Variants in SPOPL observed in about 807,000 individuals in gnomAD.
SPOPL encodes the protein speckle type BTB/POZ protein like, also known as speckle-type POZ protein-like.
Under a neutral mutation model 53.8 loss-of-function variants are expected in SPOPL, and 23 were observed. That is an observed-to-expected ratio of 0.43 (90% CI 0.31 to 0.61). The LOEUF (loss-of-function observed/expected upper bound fraction) is 0.61, where lower values mean the gene tolerates loss of function less well. Ranked by LOEUF, SPOPL falls within the 20% of genes least tolerant of loss-of-function variation. The pLI is 0.12. For missense variants in SPOPL, 442 were observed against 466.9 expected (o/e 0.95, Z 0.49); for synonymous variants, 164 against 149.7 (o/e 1.10, Z -0.70).
intron 1 of SPOPL, among the ~76,000 whole-genome samples, chr2:138,527,280 T>C (rs1482774360): frequency 2.0e-5 from 3 of 152,138 alleles, no homozygotes; most frequent in Non-Finnish European, 4.4e-5. Context: ...GAAATAATCT[T>C]GTGTTTTTCT....
Position 138,571,177 on chromosome 2 carries a change from C to G in SPOPL, c.*2097C>G, listed in dbSNP as rs1444433986. 3 of 152,108 alleles carry G rather than the reference C, an allele frequency of 2.0e-5. No homozygotes were observed. The highest frequency in any genetic ancestry group is 4.4e-5 in the Non-Finnish European group (3 of 68,002). 9.4% of individuals were successfully genotyped at this position (152,108 alleles called of 1,614,324 possible). A position where few individuals can be genotyped will look rare whatever the true frequency, so the allele number is the denominator to read the frequency against. On this transcript the variant is annotated 3_prime_UTR_variant, in exon 11 of 11. Transcript: ENST00000280098. ...GGTCTTATAAGAAAACAAAAATTCCCTCAGGCTATAGAATTATGTTGTCAT... is the reference window on the plus strand; with the variant it reads ...GGTCTTATAAGAAAACAAAAATTCCGTCAGGCTATAGAATTATGTTGTCAT...
chr2:138,550,515 C>G lies in SPOPL; in HGVS notation c.111C>G (p.Thr37=). The change falls in exon 3 of 11, where the codon ACC becomes ACG. Residue 37 remains threonine (T), a synonymous_variant. Coordinates refer to ENST00000280098, the MANE Select transcript of SPOPL (RefSeq NM_001001664.3). ...TAGTAAAATTTTCCTATATGTGGACCATTAATAACTTCAGTTTTTGTCGAG... is the reference window on the plus strand; with the variant it reads ...TAGTAAAATTTTCCTATATGTGGACGATTAATAACTTCAGTTTTTGTCGAG... The part of the protein sequence containing the change: ...VKVVKFSYMW[T]INNFSFCREE... 1.9e-6 allele frequency: 3 copies of G among 1,611,208 alleles called. No homozygotes were observed. The highest frequency in any genetic ancestry group is 2.5e-6 in the Non-Finnish European group (3 of 1,178,028).
chr2:138,507,536 A>T (rs922810731), intron 1 of SPOPL, among the ~76,000 whole-genome samples: 4 of 152,230 alleles, frequency 2.6e-5, no homozygotes, highest in Admixed American at 6.5e-5. Flanking sequence ...CCTTGAGCAG[A>T]GTGTTTCTGA....
intron 1 of SPOPL, among the ~76,000 whole-genome samples, chr2:138,514,276 A>G (rs767880030): frequency 2.0e-5 from 3 of 152,166 alleles, no homozygotes; most frequent in Non-Finnish European, 4.4e-5. Context: ...TAAAATTAAT[A>G]TTGGTTTGGC....
intron 1 of SPOPL, among the ~76,000 whole-genome samples, chr2:138,529,382 C>G (rs1684749650): frequency 6.6e-6 from 1 of 151,856 alleles, no homozygotes. Flanking sequence ...ATGATGTATT[C>G]TTTATGGCCC....
chr2:138,560,721 TA>T (rs1685526872), intron 7 of SPOPL, 83 bp from the exon 8 acceptor site: 2 of 1,435,884 alleles, frequency 1.4e-6, no homozygotes, highest in Non-Finnish European at 1.9e-6. Flanking sequence ...TTAGGGCTTT[TA>T]AATTACTGTC....
At chr2:138,532,776 A>G (rs1227463792) in intron 1 of SPOPL, among the ~76,000 whole-genome samples, 1 of 151,964 alleles carries the variant, frequency 6.6e-6, no homozygotes, top group Non-Finnish European at 1.5e-5. Context: ...ATGACTTGAA[A>G]TGTCAGCCCA....
intron 1 of SPOPL, among the ~76,000 whole-genome samples, chr2:138,532,222 G>A (rs1684824289): frequency 6.6e-6 from 1 of 152,080 alleles, no homozygotes; most frequent in African/African-American, 2.4e-5. Flanking sequence ...CAGGATCTTA[G>A]CCCCTTGGAT....
At chr2:138,526,882 C>A (rs1449291971) in intron 1 of SPOPL, among the ~76,000 whole-genome samples, 3 of 152,060 alleles carry the variant, frequency 2.0e-5, no homozygotes. Flanking sequence ...CCTGCCACCA[C>A]ACCCGGCTAA....
chr2:138,522,030 CTT>C, intron 1 of SPOPL, among the ~76,000 whole-genome samples: 1 of 152,158 alleles, frequency 6.6e-6, no homozygotes, highest in East Asian at 1.9e-4. Context: ...CGACCTGAGA[CTT>C]TGTTAGAAAT....
At chr2:138,511,242 T>G (rs1258311167) in intron 1 of SPOPL, among the ~76,000 whole-genome samples, 1 of 152,170 alleles carries the variant, frequency 6.6e-6, no homozygotes, top group African/African-American at 2.4e-5. Context: ...AGTGTCTGAT[T>G]TATTTTTACT....
chr2:138,535,058 C>G (rs115575388), intron 1 of SPOPL, among the ~76,000 whole-genome samples: 1,860 of 152,250 alleles, frequency 0.012, 39 homozygotes, highest in South Asian at 0.051. Flanking sequence ...CAGGACCAAA[C>G]TGAGCAACAG....
chr2:138,550,341 A>G, intron 2 of SPOPL, 47 bp downstream of exon 2: 2 of 1,607,488 alleles, frequency 1.2e-6, no homozygotes, highest in Non-Finnish European at 1.7e-6. Context: ...TATAAATTTT[A>G]CAGTATGTTG....
At chr2:138,550,812 GTT>G (rs1553471040) in intron 3 of SPOPL, 89 bp from the exon 4 acceptor site, 4 of 1,309,462 alleles carry the variant, frequency 3.1e-6, no homozygotes, top group Non-Finnish European at 4.1e-6. Context: ...TGATTTCAGT[GTT>G]CTCTCTCTCT....
intron 1 of SPOPL, among the ~76,000 whole-genome samples, chr2:138,525,302 C>T (rs1684646661): frequency 6.6e-6 from 1 of 152,108 alleles, no homozygotes; most frequent in South Asian, 2.1e-4. Context: ...GAAAGACCCG[C>T]CCCCATGACT....
At chr2:138,532,336 C>G (rs1162981766) in intron 1 of SPOPL, among the ~76,000 whole-genome samples, 1 of 151,394 alleles carries the variant, frequency 6.6e-6, no homozygotes, top group Non-Finnish European at 1.5e-5. Context: ...CTCGCTCTTG[C>G]ATTATGCTTA....
At position 138,552,568 on chromosome 2, in the gene SPOPL, TA is replaced by T; in HGVS notation, c.368del (p.Tyr123PhefsTer39). The part of the protein sequence containing the change: ...ETKAMESQRA[Y>X]RFVQGKDWGF... Reference sequence around the variant, plus strand: ...TTTTCCACCAGAAAGCCAAAGAGCATATCGATTTGTGCAAGGGAAGGACTGG... The same window carrying T: ...TTTTCCACCAGAAAGCCAAAGAGCATTCGATTTGTGCAAGGGAAGGACTGG... On this transcript the variant is annotated frameshift_variant, in exon 5 of 11. Coordinates refer to ENST00000280098, the MANE Select transcript of SPOPL (RefSeq NM_001001664.3). LOFTEE classifies it high-confidence loss of function. 6.2e-7 allele frequency: 1 copy of T among 1,610,454 alleles called. No homozygotes were observed. Among genetic ancestry groups the T allele is most frequent in the Non-Finnish European group, 8.5e-7 (1 of 1,178,546 alleles).
At chr2:138,523,598 C>T (rs1684604486) in intron 1 of SPOPL, among the ~76,000 whole-genome samples, 1 of 152,186 alleles carries the variant, frequency 6.6e-6, no homozygotes, top group South Asian at 2.1e-4. Context: ...AAGTTAGTTA[C>T]CTCCTAGATA....
At chr2:138,519,502 A>G (rs1684511870) in intron 1 of SPOPL, among the ~76,000 whole-genome samples, 1 of 152,154 alleles carries the variant, frequency 6.6e-6, no homozygotes, top group South Asian at 2.1e-4. Context: ...GTAGAATAGA[A>G]GTAAATACTT....
Sources: allele counts gnomAD v4.1 joint callset (sites outside exome capture counted in the v4.1 genomes callset), GRCh38; gene constraint gnomAD v4.1.1; transcripts MANE v1.5; gene names NCBI Gene and HGNC (gene_info 2026-07-23, HGNC 2026-07-21).